The following FGD3 variants were observed in gnomAD, a reference collection of about 807,000 sequenced individuals.
The protein encoded by FGD3 is FYVE, RhoGEF and PH domain-containing protein 3.
In FGD3, 45 loss-of-function variants were observed where a neutral mutation model predicts 71.8. That is an observed-to-expected ratio of 0.63 (90% confidence interval 0.49 to 0.80). The LOEUF (loss-of-function observed/expected upper bound fraction) is 0.80, where lower values mean the gene tolerates loss of function less well. Among genes scored for constraint, FGD3 ranks in the 30% least tolerant of loss-of-function variants. FGD3 has a pLI of 0.00. For missense variants in FGD3, 844 were observed against 951.5 expected, an observed-to-expected ratio of 0.89 and a Z score of 1.49; for synonymous variants, 378 against 392.8, an observed-to-expected ratio of 0.96 and a Z score of 0.44.
At position 92,959,661 on chromosome 9, in the gene FGD3, C is replaced by T. The variant is rs535888690; in HGVS notation, c.-218+11932C>T. On this transcript the variant is annotated intron_variant, in intron 1 of 17. Coordinates refer to ENST00000375482, the MANE Select transcript of FGD3 (RefSeq NM_001083536.2). ...GGTCGAGGCTACAGTGAGTCATGAT[C>T]GGTCCAGTGCATTTCAGCCTGGGCA... Among the ~76,000 whole-genome samples the T allele has an allele frequency of 8.9e-4, 119 of 134,424 alleles. No individual in the cohort carries two copies. The Middle Eastern group carries it at 0.013, about 15-fold the overall frequency. 88.2% of individuals were successfully genotyped at this position (134,424 alleles called of 152,430 possible). A position where few individuals can be genotyped will look rare whatever the true frequency, so the allele number is the denominator to read the frequency against.
At chr9:92,998,025 G>C (rs1402348734) in intron 3 of FGD3, among the ~76,000 whole-genome samples, 1 of 152,174 alleles carries the variant, frequency 6.6e-6, no homozygotes, top group Non-Finnish European at 1.5e-5. Flanking sequence ...TGCCTCACTA[G>C]GTTGGCGAAG....
intron 3 of FGD3, among the ~76,000 whole-genome samples, chr9:92,999,276 C>T (rs189866902): frequency 7.9e-5 from 12 of 152,270 alleles, no homozygotes; most frequent in African/African-American, 1.9e-4. Flanking sequence ...CTGAGCCAGG[C>T]GAGGGATATA....
At chr9:93,016,689 T>TCTCGGCTCACTGCGAC (rs1284413236) in intron 10 of FGD3, among the ~76,000 whole-genome samples, 1 of 149,678 alleles carries the variant, frequency 6.7e-6, no homozygotes, top group Admixed American at 6.7e-5. Flanking sequence ...AATGGTGTGA[T>TCTCGGCTCACTGCGAC]CTCGGCTCAC....
intron 15 of FGD3, among the ~76,000 whole-genome samples, chr9:93,031,547 G>C (rs775236106): frequency 2.6e-5 from 4 of 152,178 alleles, no homozygotes; most frequent in Non-Finnish European, 4.4e-5. Flanking sequence ...AAGTGATAGA[G>C]AAAAGAGAAA....
In FGD3 at chr9:93,006,790, G is replaced by A. The variant is rs770762956; in HGVS notation, c.837+610G>A. On this transcript the variant is annotated intron_variant, in intron 6 of 17. Coordinates refer to ENST00000375482, the MANE Select transcript of FGD3 (RefSeq NM_001083536.2). ...TGCCCAGGCTGGAGTGTAGTGGCACGATCTCGGCTCACTGCAACCTCTGCC... is the reference window on the plus strand; with the variant it reads ...TGCCCAGGCTGGAGTGTAGTGGCACAATCTCGGCTCACTGCAACCTCTGCC... Among the ~76,000 whole-genome samples the A allele has an allele frequency of 5.3e-5, 8 of 151,256 alleles. No individual in the cohort carries two copies. The South Asian group carries it at 6.3e-4, about 12-fold the overall frequency.
chr9:92,957,557 G>T (rs907244664), intron 1 of FGD3, among the ~76,000 whole-genome samples: 13 of 149,020 alleles, frequency 8.7e-5, no homozygotes, highest in Admixed American at 2.7e-4. Context: ...GGAATCGTTT[G>T]TCTTTTTTTT....
Position 93,010,254 on chromosome 9 carries a change from G to A in FGD3, c.846G>A (p.Glu282=). ...KDVVHSIQKQ[E]VCGNLTLQHH... ...TCCCTCTGTCCCCACAGAAGCAGGAGGTATGCGGGAACCTGACGCTGCAGC... is the reference window on the plus strand; with the variant it reads ...TCCCTCTGTCCCCACAGAAGCAGGAAGTATGCGGGAACCTGACGCTGCAGC... Residue 282 remains glutamate, a synonymous_variant, in exon 7 of 18, where the codon GAG becomes GAA. Transcript: ENST00000375482. The A allele has an allele frequency of 1.2e-6, 2 of 1,609,634 alleles. No homozygotes were observed. The highest frequency in any genetic ancestry group is 8.5e-7 in the Non-Finnish European group (1 of 1,176,682).
Position 93,035,685 on chromosome 9 carries a change from G to A in FGD3, c.*96G>A. The A allele has an allele frequency of 2.0e-6, 3 of 1,467,440 alleles. No individual in the cohort carries two copies. The highest frequency in any genetic ancestry group is 2.7e-6 in the Non-Finnish European group (3 of 1,109,782). 90.9% of individuals were successfully genotyped at this position (1,467,440 alleles called of 1,614,324 possible). On this transcript the variant is annotated 3_prime_UTR_variant, in exon 18 of 18. Transcript: ENST00000375482. ...CCCATGAAGAGCGCCCTGGACTGCT[G>A]AGGGTGGGCCAACAGCCCAGAGCTC...
At chr9:93,024,217 A>G (rs1195688014) in intron 14 of FGD3, among the ~76,000 whole-genome samples, 1 of 152,220 alleles carries the variant, frequency 6.6e-6, no homozygotes, top group African/African-American at 2.4e-5. Context: ...ATGAAAAGCA[A>G]TGTGTACTCA....
intron 3 of FGD3, among the ~76,000 whole-genome samples, chr9:92,981,193 C>A (rs1181371340): frequency 6.6e-6 from 1 of 150,710 alleles, no homozygotes; most frequent in Admixed American, 6.6e-5. Context: ...ATGGTGAAAA[C>A]CTGTCTCTAT....
In FGD3 at chr9:93,035,664, T is replaced by A. The variant is rs1862573620; in HGVS notation, c.*75T>A. ...CTGGGAGGTGGTGTTGGAGGCCCCA[T>A]GAAGAGCGCCCTGGACTGCTGAGGG... On this transcript the variant is annotated 3_prime_UTR_variant, in exon 18 of 18. Transcript: ENST00000375482. 2.7e-6 allele frequency: 4 copies of A among 1,505,634 alleles called. No homozygotes were observed. Among genetic ancestry groups the A allele is most frequent in the Non-Finnish European group, 1.8e-6 (2 of 1,129,974 alleles). 93.3% of individuals were successfully genotyped at this position (1,505,634 alleles called of 1,614,324 possible). A position where few individuals can be genotyped will look rare whatever the true frequency, so the allele number is the denominator to read the frequency against.
At chr9:92,985,258 A>C (rs1860147377) in intron 3 of FGD3, among the ~76,000 whole-genome samples, 1 of 152,216 alleles carries the variant, frequency 6.6e-6, no homozygotes, top group African/African-American at 2.4e-5. Flanking sequence ...CTTGCAGAGC[A>C]GCCAGTAGTT....
intron 9 of FGD3, among the ~76,000 whole-genome samples, chr9:93,014,564 A>C (rs1861587967): frequency 6.6e-6 from 1 of 152,034 alleles, no homozygotes; most frequent in Non-Finnish European, 1.5e-5. Context: ...ACTAAAACTC[A>C]TTTTTGCTTT....
At chr9:92,990,632 G>A (rs1035032094) in intron 3 of FGD3, among the ~76,000 whole-genome samples, 5 of 152,180 alleles carry the variant, frequency 3.3e-5, no homozygotes, top group Non-Finnish European at 7.3e-5. Flanking sequence ...ATAATAAAGG[G>A]ATGCTGAATT....
At chr9:93,026,356 C>T (rs973456687) in intron 14 of FGD3, among the ~76,000 whole-genome samples, 2 of 152,206 alleles carry the variant, frequency 1.3e-5, no homozygotes, top group Admixed American at 6.5e-5. Flanking sequence ...GGTCAACCTG[C>T]GTGGTAACTT....
At chr9:92,983,312 G>A (rs988630559) in intron 3 of FGD3, among the ~76,000 whole-genome samples, 7 of 151,912 alleles carry the variant, frequency 4.6e-5, no homozygotes, top group African/African-American at 1.7e-4. Flanking sequence ...CATGAGGTCA[G>A]GAGATCAAGA....
At chr9:92,965,066 C>G (rs1859266233) in intron 1 of FGD3, among the ~76,000 whole-genome samples, 1 of 152,184 alleles carries the variant, frequency 6.6e-6, no homozygotes. Context: ...GGGGCCACCT[C>G]AAGAGGTGCA....
At chr9:93,022,493 C>A in intron 14 of FGD3, 104 bp downstream of exon 14, 1 of 1,261,166 alleles carries the variant, frequency 7.9e-7, no homozygotes, top group Non-Finnish European at 1.1e-6. Flanking sequence ...AGACCAGGGC[C>A]TCCTGGAGGC....
chr9:92,973,210 G>C (rs527290592), intron 1 of FGD3, among the ~76,000 whole-genome samples: 1 of 146,882 alleles, frequency 6.8e-6, no homozygotes, highest in African/African-American at 2.5e-5. Flanking sequence ...CGCCTCCTGA[G>C]TTCAAGCAGT....
Sources: allele counts gnomAD v4.1 joint callset (sites outside exome capture counted in the v4.1 genomes callset), GRCh38; gene constraint gnomAD v4.1.1; transcripts MANE v1.5; gene names NCBI Gene and HGNC (gene_info 2026-07-23, HGNC 2026-07-21).